The following GMDS variants were observed in gnomAD, a reference collection of about 807,000 sequenced individuals.
The protein encoded by GMDS is GDP-mannose 4,6-dehydratase.
In GMDS, 20 loss-of-function variants were observed where a neutral mutation model predicts 49.9. The observed-to-expected ratio is 0.40, with a 90% confidence interval of 0.28 to 0.58. GMDS has a LOEUF of 0.58. GMDS is among the 20% of genes least tolerant of loss of function. GMDS has a pLI of 0.42. For missense variants in GMDS, 362 were observed against 481.4 expected, an observed-to-expected ratio of 0.75 and a Z score of 2.32; for synonymous variants, 177 against 178.6, an observed-to-expected ratio of 0.99 and a Z score of 0.07.
chr6:1,935,914 G>C (rs1762505069), intron 6 of GMDS, among the ~76,000 whole-genome samples: 1 of 152,118 alleles, frequency 6.6e-6, no homozygotes, highest in Non-Finnish European at 1.5e-5. Flanking sequence ...GAGCCTCAAA[G>C]AAATGAAAGA....
chr6:2,204,325 T>C (rs1196117209), intron 1 of GMDS, among the ~76,000 whole-genome samples: 4 of 152,232 alleles, frequency 2.6e-5, no homozygotes, highest in Admixed American at 2.6e-4. Flanking sequence ...CCTCTACTAC[T>C]GTAATGCAAC....
chr6:1,911,248 C>T (rs1049654385), intron 7 of GMDS, among the ~76,000 whole-genome samples: 19 of 152,174 alleles, frequency 1.2e-4, no homozygotes, highest in African/African-American at 4.6e-4. Flanking sequence ...CAAAGAAGGG[C>T]AGTCAGAAAG....
intron 1 of GMDS, among the ~76,000 whole-genome samples, chr6:2,184,233 T>C (rs1322305311): frequency 6.6e-6 from 1 of 152,210 alleles, no homozygotes; most frequent in African/African-American, 2.4e-5. Context: ...TTAATAGGTA[T>C]ATTTTCTTTC....
intron 1 of GMDS, among the ~76,000 whole-genome samples, chr6:2,183,450 T>C (rs1778645089): frequency 6.6e-6 from 1 of 152,184 alleles, no homozygotes; most frequent in Admixed American, 6.5e-5. Context: ...TGCAATATCA[T>C]GATAAAACTT....
At chr6:2,230,925 T>C in intron 1 of GMDS, among the ~76,000 whole-genome samples, 2 of 68,576 alleles carry the variant, frequency 2.9e-5, no homozygotes, top group African/African-American at 1.1e-4. Flanking sequence ...CATTTAGTAT[T>C]CTCTTCCCCC....
At chr6:1,878,409 C>A (rs1473227693) in intron 7 of GMDS, among the ~76,000 whole-genome samples, 3 of 150,210 alleles carry the variant, frequency 2.0e-5, no homozygotes, top group Non-Finnish European at 4.4e-5. Flanking sequence ...AACTATGGGT[C>A]TTCCAAAAGA....
At chr6:2,199,163 T>C (rs1277520114) in intron 1 of GMDS, among the ~76,000 whole-genome samples, 1 of 152,258 alleles carries the variant, frequency 6.6e-6, no homozygotes, top group East Asian at 1.9e-4. Context: ...ATATTTAGAC[T>C]AATTTACCTT....
At chr6:1,966,670 AG>A (rs1764276872) in intron 4 of GMDS, among the ~76,000 whole-genome samples, 1 of 152,168 alleles carries the variant, frequency 6.6e-6, no homozygotes, top group Admixed American at 6.5e-5. Flanking sequence ...GCCCACCTCC[AG>A]GGCACCTCTT....
At chr6:2,205,778 G>GTGT (rs1197250633) in intron 1 of GMDS, among the ~76,000 whole-genome samples, 1 of 151,176 alleles carries the variant, frequency 6.6e-6, no homozygotes, top group Non-Finnish European at 1.5e-5. Flanking sequence ...TGTGTGTGTG[G>GTGT]GGGGGGAGGG....
rs188681043 is a variant in GMDS at position 2,170,548 on chromosome 6, G to C, written c.103-45817C>G. 2.6e-3 allele frequency among the ~76,000 whole-genome samples: 392 copies of C among 151,834 alleles called. 1 individual carries two copies. Among genetic ancestry groups the C allele is most frequent in the African/African-American group, 9.2e-3 (379 of 41,336 alleles). Reference sequence around the variant, plus strand: ...AGGCTGACGTGGGAGGATCACTTGAGCCCAGGAGTTCAAGGTTGCAGTGGG... The same window carrying C: ...AGGCTGACGTGGGAGGATCACTTGACCCCAGGAGTTCAAGGTTGCAGTGGG... On this transcript the variant is annotated intron_variant, in intron 1 of 10. Coordinates refer to ENST00000380815, the MANE Select transcript of GMDS (RefSeq NM_001500.4).
intron 9 of GMDS, among the ~76,000 whole-genome samples, chr6:1,674,462 C>T (rs1374148780): frequency 6.6e-6 from 1 of 150,418 alleles, no homozygotes; most frequent in African/African-American, 2.4e-5. Context: ...CCAGTCTTGA[C>T]TTGTCTACTT....
At chr6:1,835,581 T>A (rs980605150) in intron 7 of GMDS, among the ~76,000 whole-genome samples, 2 of 151,640 alleles carry the variant, frequency 1.3e-5, no homozygotes, top group Non-Finnish European at 2.9e-5. Flanking sequence ...TATGTCTTTT[T>A]AGGCTTGATA....
At chr6:1,975,703 A>G (rs1270237519) in intron 4 of GMDS, among the ~76,000 whole-genome samples, 1 of 152,242 alleles carries the variant, frequency 6.6e-6, no homozygotes, top group Non-Finnish European at 1.5e-5. Flanking sequence ...AAAGGACTTG[A>G]AAAATGGGAA....
chr6:2,240,984 G>A (rs1182073745), intron 1 of GMDS, among the ~76,000 whole-genome samples: 2 of 152,226 alleles, frequency 1.3e-5, no homozygotes, highest in East Asian at 3.8e-4. Flanking sequence ...GCAATCACCT[G>A]CTAAAGAGGT....
chr6:1,723,116 A>G (rs575568029), intron 9 of GMDS, among the ~76,000 whole-genome samples: 184 of 152,276 alleles, frequency 1.2e-3, no homozygotes, highest in African/African-American at 4.2e-3. Flanking sequence ...AGAAATTACC[A>G]GCACAGGTGG....
intron 9 of GMDS, among the ~76,000 whole-genome samples, chr6:1,683,766 C>T (rs114279497): frequency 0.01 from 1,534 of 152,290 alleles, 33 homozygotes; most frequent in African/African-American, 0.035. Context: ...TTTCATAACT[C>T]GTGAGATGAA....
At chr6:1,875,317 T>TACACACACAC (rs56053544) in intron 7 of GMDS, among the ~76,000 whole-genome samples, 11 of 150,012 alleles carry the variant, frequency 7.3e-5, no homozygotes, top group Non-Finnish European at 1.6e-4. Flanking sequence ...TTTTTGTATT[T>TACACACACAC]ACACACACAC....
chr6:2,183,436 T>C (rs932254529), intron 1 of GMDS, among the ~76,000 whole-genome samples: 2 of 152,226 alleles, frequency 1.3e-5, no homozygotes, highest in Non-Finnish European at 2.9e-5. Flanking sequence ...TAGGACTGAA[T>C]TGCTGCAATA....
intron 1 of GMDS, among the ~76,000 whole-genome samples, chr6:2,224,510 G>C (rs1433149389): frequency 2.6e-5 from 4 of 152,192 alleles, no homozygotes. Context: ...GCTTCTCATA[G>C]GAGAAATACA....
Sources: allele counts gnomAD v4.1 joint callset (sites outside exome capture counted in the v4.1 genomes callset), GRCh38; gene constraint gnomAD v4.1.1; transcripts MANE v1.5; gene names NCBI Gene and HGNC (gene_info 2026-07-23, HGNC 2026-07-21).